Variants in HM13 observed in about 807,000 individuals in gnomAD.
HM13 encodes the protein signal peptide peptidase.
A neutral mutation model predicts 50.0 loss-of-function variants in HM13; 18 were observed. The observed-to-expected ratio is 0.36, with a 90% CI of 0.25 to 0.53. The LOEUF is 0.53. Among genes scored for constraint, HM13 ranks in the 20% least tolerant of loss-of-function variants. The probability of loss-of-function intolerance (pLI) is 0.90; values close to 1 mark genes in which losing one functional copy is unlikely to be tolerated. For synonymous variants in HM13, 197 were observed against 232.6 expected (o/e 0.85, Z 1.39); for missense variants, 393 against 552.4 (o/e 0.71, Z 2.89).
At chr20:31,545,286 T>C (rs551481414) in intron 4 of HM13, among the ~76,000 whole-genome samples, 45 of 152,308 alleles carry the variant, frequency 3.0e-4, no homozygotes, top group Middle Eastern at 3.4e-3. Context: ...AGTGTTAATC[T>C]AGTACCTCCT....
At chr20:31,523,160 C>T (rs1378001295) in intron 1 of HM13, among the ~76,000 whole-genome samples, 1 of 151,722 alleles carries the variant, frequency 6.6e-6, no homozygotes, top group East Asian at 1.9e-4. Flanking sequence ...AAGCAATTCT[C>T]CTGCCTCAAC....
chr20:31,514,825 C>T lies in HM13; in HGVS notation c.183+91C>T. The T allele has an allele frequency of 1.7e-6, 2 of 1,193,922 alleles. No individual in the cohort carries two copies. Among genetic ancestry groups the T allele is most frequent in the Non-Finnish European group, 2.3e-6 (2 of 877,256 alleles). The allele number at this position is 1,193,922 out of a possible 1,614,324, so 74.0% of individuals were successfully genotyped here. ...CCTAGGCGGGACAGACACCTCTCCC[C>T]GGACACTGACTCTTCCCAGCCCTGA... On this transcript the variant is annotated intron_variant, in intron 1 of 12. Transcript: ENST00000398174. The surrounding 1 kb of genome is among the most constrained non-coding windows in gnomAD (Gnocchi z 4.3).
chr20:31,519,700 C>G (rs1384856024), intron 1 of HM13, among the ~76,000 whole-genome samples: 1 of 152,088 alleles, frequency 6.6e-6, no homozygotes, highest in African/African-American at 2.4e-5. Context: ...AATTTGAGTC[C>G]CCAACTGGTC....
rs1450743920 is a variant in HM13 at position 31,553,375 on chromosome 20, A to G, written c.725-1371A>G. ...GAATTCAAGGAACAGGATTTTCCTG[A>G]TTGGCTTAGTCTTGCACCACACTTA... On this transcript the variant is annotated intron_variant, in intron 7 of 12. Coordinates refer to ENST00000398174, the MANE Select transcript of HM13 (RefSeq NM_178581.3). 2.0e-5 allele frequency among the ~76,000 whole-genome samples: 3 copies of G among 151,868 alleles called. No homozygotes were observed. The East Asian group carries it at 5.8e-4, about 29-fold the overall frequency.
At position 31,545,041 on chromosome 20, in the gene HM13, T is replaced by G. The variant is rs2122610027; in HGVS notation, c.454+6T>G. The G allele has an allele frequency of 1.2e-6, 2 of 1,609,632 alleles. No individual in the cohort carries two copies. The highest frequency in any genetic ancestry group is 1.7e-5 in the Admixed American group (1 of 60,010). On this transcript the variant is annotated splice_donor_region_variant and intron_variant, in intron 4 of 12. Transcript: ENST00000398174. ...TTCTGGGGAAAACAAGGAAGGTCAG[T>G]GCTAACCACTTTCCCCTGTAGTGTG...
At chr20:31,554,876 T>G in intron 8 of HM13, 47 bp downstream of exon 8, 1 of 1,439,516 alleles carries the variant, frequency 6.9e-7, no homozygotes, top group Non-Finnish European at 9.8e-7. Flanking sequence ...GGAGAGGGTA[T>G]TCCCCGGAGC....
intron 4 of HM13, chr20:31,547,748 T>C: frequency 2.0e-6 from 2 of 1,017,110 alleles, no homozygotes; most frequent in South Asian, 2.7e-5. Flanking sequence ...TGTCCAACTC[T>C]AAGGTTGCTT....
intron 3 of HM13, chr20:31,539,126 G>T: frequency 1.0e-6 from 1 of 985,462 alleles, no homozygotes; most frequent in Non-Finnish European, 1.2e-6. Context: ...GGGGAGAGTG[G>T]TTCATTAGAG....
chr20:31,542,170 C>T (rs1983483728), intron 3 of HM13, among the ~76,000 whole-genome samples: 3 of 152,332 alleles, frequency 2.0e-5, no homozygotes, highest in South Asian at 4.1e-4. Flanking sequence ...CACATTAAGC[C>T]TCTTTGGAAC....
At chr20:31,544,797 G>A in intron 3 of HM13, 150 bp from the exon 4 acceptor site, 1 of 641,484 alleles carries the variant, frequency 1.6e-6, no homozygotes, top group East Asian at 2.7e-5. Flanking sequence ...CCTTTTGAGG[G>A]CCTCTGTTTT....
At chr20:31,545,659 GGTTA>G (rs1174510027) in intron 4 of HM13, among the ~76,000 whole-genome samples, 13 of 152,152 alleles carry the variant, frequency 8.5e-5, no homozygotes. Context: ...GGGATTTGTA[GGTTA>G]GTTAGGGTAT....
At chr20:31,532,226 A>G (rs946646226) in intron 2 of HM13, among the ~76,000 whole-genome samples, 22 of 152,154 alleles carry the variant, frequency 1.4e-4, no homozygotes, top group African/African-American at 5.1e-4. Context: ...GGAGATCGAG[A>G]CCATCCTGGC....
At position 31,568,144 on chromosome 20, in the gene HM13, C is replaced by A. The variant is rs781389814; in HGVS notation, c.1101C>A (p.Gly367=). The A allele has an allele frequency of 5.6e-6, 9 of 1,613,076 alleles. No individual in the cohort carries two copies. The South Asian group carries it at 9.9e-5, about 18-fold the overall frequency. ...PRLTHFPTVS[G]SPASLADSMQ... is the part of the protein sequence containing the mutation. ...TCACCCACTTCCCCACAGTCTCGGG[C>A]TCCCCAGCCAGCCTGGCCGACTCCA... is the stretch of plus-strand genomic sequence containing the variant. The change falls in exon 12 of 13, where the codon GGC becomes GGA. Residue 367 remains glycine (G), a synonymous_variant. Transcript: ENST00000398174.
intron 1 of HM13, among the ~76,000 whole-genome samples, chr20:31,521,684 G>A (rs2014244819): frequency 1.4e-5 from 2 of 143,556 alleles, no homozygotes; most frequent in Admixed American, 7.1e-5. Context: ...AGCCAAGATT[G>A]CACCACTGCA....
In HM13 at chr20:31,514,636, C is replaced by G. The variant is rs1197510243; in HGVS notation, c.85C>G (p.Pro29Ala). 2 of 1,580,818 alleles carry G rather than the reference C, an allele frequency of 1.3e-6. No individual in the cohort carries two copies. The highest frequency in any genetic ancestry group is 1.7e-6 in the Non-Finnish European group (2 of 1,164,912). The part of the protein sequence containing the change: ...TNSTTRPPST[P>A]EGIALAYGSL... Reference sequence around the variant, plus strand: ...CAGCACTACGCGGCCGCCTTCCACGCCCGAGGGCATCGCGCTGGCCTACGG... The same window carrying G: ...CAGCACTACGCGGCCGCCTTCCACGGCCGAGGGCATCGCGCTGGCCTACGG... The change falls in exon 1 of 13, where the codon CCC (proline) becomes GCC (alanine). Residue 29 changes from proline to alanine, a missense_variant. Coordinates refer to ENST00000398174, the MANE Select transcript of HM13 (RefSeq NM_178581.3). This position sits in a 1 kb window ranked among gnomAD's most constrained non-coding sequence, Gnocchi z 4.3.
chr20:31,568,423 C>A (rs1985058461), intron 12 of HM13, 199 bp downstream of exon 12: 2 of 698,142 alleles, frequency 2.9e-6, no homozygotes, highest in Non-Finnish European at 4.6e-6. Context: ...AAGCTTCCTG[C>A]CCTCACCAGT....
chr20:31,562,068 TC>T (rs1340704168), intron 10 of HM13, among the ~76,000 whole-genome samples: 3 of 151,116 alleles, frequency 2.0e-5, no homozygotes, highest in African/African-American at 7.3e-5. Context: ...TACAGGAGAG[TC>T]CAGGAAAGAG....
At position 31,515,392 on chromosome 20, in the gene HM13, T is replaced by G. The variant is rs141748121; in HGVS notation, c.183+658T>G. 9.0e-4 allele frequency among the ~76,000 whole-genome samples: 137 copies of G among 152,358 alleles called. 3 individuals carry two copies. The East Asian group carries it at 0.023, about 25-fold the overall frequency. ...AGCTGGCTCCTCAGAAGCTGGCATCTTGGTGCCTCTACTTTCCAACTAGGC... is the reference window on the plus strand; with the variant it reads ...AGCTGGCTCCTCAGAAGCTGGCATCGTGGTGCCTCTACTTTCCAACTAGGC... On this transcript the variant is annotated intron_variant, in intron 1 of 12. Coordinates refer to ENST00000398174, the MANE Select transcript of HM13 (RefSeq NM_178581.3).
intron 2 of HM13, 97 bp from the exon 3 acceptor site, chr20:31,538,082 G>T: frequency 7.0e-7 from 1 of 1,435,552 alleles, no homozygotes; most frequent in Non-Finnish European, 9.5e-7. Flanking sequence ...GACTCAAGAA[G>T]GGTGAGACCA....
Sources: allele counts gnomAD v4.1 joint callset (sites outside exome capture counted in the v4.1 genomes callset), GRCh38; gene constraint gnomAD v4.1.1; non-coding constraint Gnocchi (gnomAD v3.1); transcripts MANE v1.5; gene names NCBI Gene and HGNC (gene_info 2026-07-23, HGNC 2026-07-21).